Variants in KDM2B observed in about 807,000 individuals in gnomAD.
KDM2B encodes the protein lysine-specific demethylase 2B.
A neutral mutation model predicts 150.0 loss-of-function variants in KDM2B; 26 were observed. The observed-to-expected ratio is 0.17, with a 90% CI of 0.13 to 0.24. The LOEUF is 0.24. Ranked by LOEUF, KDM2B falls within the 10% of genes least tolerant of loss-of-function variation. The pLI, the probability that KDM2B is intolerant of heterozygous loss-of-function variation, is 1.00. For synonymous variants in KDM2B, 734 were observed against 729.5 expected, an observed-to-expected ratio of 1.01 and a Z score of -0.10; for missense variants, 1,265 against 1,816.9, an observed-to-expected ratio of 0.70 and a Z score of 5.52.
intron 11 of KDM2B, among the ~76,000 whole-genome samples, chr12:121,498,118 A>C (rs1312048242): frequency 6.6e-6 from 1 of 152,112 alleles, no homozygotes; most frequent in Non-Finnish European, 1.5e-5. Flanking sequence ...TAAATAAATA[A>C]ATAAAGTTTT....
At chr12:121,496,588 G>A (rs1235142990) in intron 11 of KDM2B, among the ~76,000 whole-genome samples, 1 of 148,788 alleles carries the variant, frequency 6.7e-6, no homozygotes, top group Non-Finnish European at 1.5e-5. Flanking sequence ...TCAAACTCCT[G>A]GGCTCAAGTG....
chr12:121,530,227 CAAAAAAAAAA>C (rs71453566), intron 8 of KDM2B, among the ~76,000 whole-genome samples: 2 of 65,786 alleles, frequency 3.0e-5, no homozygotes, highest in Non-Finnish European at 3.1e-5. Context: ...GACTCCCTCT[CAAAAAAAAAA>C]AAAAAAAAAA....
chr12:121,581,157 T>C, upstream of KDM2B: 1 of 445,718 alleles, frequency 2.2e-6, no homozygotes, highest in Non-Finnish European at 3.9e-6. Flanking sequence ...TTGGACATTT[T>C]TTAAAGGTTC....
At chr12:121,543,521 A>AT (rs1352988955) in intron 6 of KDM2B, among the ~76,000 whole-genome samples, 28 of 151,760 alleles carry the variant, frequency 1.8e-4, no homozygotes, top group Admixed American at 1.6e-3. Context: ...TTAAAAAAAA[A>AT]TTTTTTAATT....
intron 4 of KDM2B, among the ~76,000 whole-genome samples, chr12:121,557,245 T>C (rs1889969411): frequency 6.7e-6 from 1 of 148,196 alleles, no homozygotes; most frequent in South Asian, 2.2e-4. Context: ...TTTTTTTTTT[T>C]TTTTTTTTTT....
chr12:121,435,926 G>A (rs1260517068), intron 22 of KDM2B, among the ~76,000 whole-genome samples: 1 of 152,162 alleles, frequency 6.6e-6, no homozygotes, highest in Non-Finnish European at 1.5e-5. Context: ...CTTGAGTGGA[G>A]GGACAAGCAA....
intron 8 of KDM2B, among the ~76,000 whole-genome samples, chr12:121,523,777 G>T (rs1886893441): frequency 6.6e-6 from 1 of 152,216 alleles, no homozygotes; most frequent in African/African-American, 2.4e-5. Flanking sequence ...CTTTGCTTTA[G>T]GCAACCTCGT....
intron 9 of KDM2B, chr12:121,516,557 T>A: frequency 6.9e-7 from 1 of 1,448,680 alleles, no homozygotes; most frequent in Non-Finnish European, 9.1e-7. Flanking sequence ...CAACATTATT[T>A]GTTGACAGAC....
At chr12:121,420,868 T>G in the KDM2B span, 1 of 964,954 alleles carries the variant, frequency 1.0e-6, no homozygotes, top group Non-Finnish European at 1.6e-6. Context: ...GTCAAATTTA[T>G]TTTTGAGAAA....
intron 12 of KDM2B, among the ~76,000 whole-genome samples, chr12:121,463,506 C>T (rs1438173709): frequency 2.0e-5 from 3 of 152,162 alleles, no homozygotes; most frequent in African/African-American, 7.2e-5. Flanking sequence ...GTTCTATGAC[C>T]ACATAAATTT....
chr12:121,420,095 T>C, the KDM2B span: 1 of 646,182 alleles, frequency 1.5e-6, no homozygotes, highest in South Asian at 2.3e-5. Context: ...GGGCCCAACT[T>C]TTTGGAAGGG....
intron 11 of KDM2B, among the ~76,000 whole-genome samples, chr12:121,497,512 G>A (rs547658600): frequency 6.6e-6 from 1 of 151,862 alleles, no homozygotes; most frequent in East Asian, 2.0e-4. Flanking sequence ...CACCATGTTG[G>A]CCAGGCTGGT....
At chr12:121,463,853 A>G (rs935219039) in intron 12 of KDM2B, among the ~76,000 whole-genome samples, 2 of 152,192 alleles carry the variant, frequency 1.3e-5, no homozygotes, top group Non-Finnish European at 2.9e-5. Context: ...GTGCTGGGAT[A>G]ACCGGCATGA....
intron 8 of KDM2B, among the ~76,000 whole-genome samples, chr12:121,527,936 A>G (rs1180345887): frequency 1.3e-5 from 2 of 152,198 alleles, no homozygotes; most frequent in Non-Finnish European, 2.9e-5. Context: ...GAGTTGGAGG[A>G]AAAAGACATC....
chr12:121,443,132 G>T, intron 17 of KDM2B, 102 bp from the exon 18 acceptor site: 1 of 1,160,540 alleles, frequency 8.6e-7, no homozygotes. Context: ...TCCAGAGGAG[G>T]GGCTGGAGGG....
rs781895016 is a variant in KDM2B at position 121,510,014 on chromosome 12, G to A, written c.1200C>T (p.Asp400=). 12 of 1,577,576 alleles carry A rather than the reference G, an allele frequency of 7.6e-6. No homozygotes were observed. Among genetic ancestry groups the A allele is most frequent in the East Asian group, 2.2e-5 (1 of 44,568 alleles). ...LIDAPRKPSI[D]GFSSDSWLEM... ...CCAGCCAGGAATCCGAAGAGAAGCC[G>A]TCTATGCTGGGCTTCCTCGGGGCAT... is the stretch of plus-strand genomic sequence containing the variant. Residue 400 remains aspartate, a synonymous_variant, in exon 11 of 23, where the codon GAC becomes GAT. Transcript: ENST00000377071.
chr12:121,581,090 T>C, upstream of KDM2B: 1 of 757,692 alleles, frequency 1.3e-6, no homozygotes, highest in Non-Finnish European at 2.0e-6. Context: ...CTTTCATTCA[T>C]TCATTCTGCC....
chr12:121,441,302 T>C, intron 19 of KDM2B, 69 bp from the exon 20 acceptor site: 1 of 1,488,732 alleles, frequency 6.7e-7, no homozygotes. Flanking sequence ...CACACAGCTC[T>C]TAACTGTCCC....
chr12:121,459,851 T>C (rs1283994585), intron 12 of KDM2B, among the ~76,000 whole-genome samples: 2 of 151,872 alleles, frequency 1.3e-5, no homozygotes, highest in Non-Finnish European at 2.9e-5. Context: ...AAAAAAACTT[T>C]GGTGCTTTAA....
Sources: allele counts gnomAD v4.1 joint callset (sites outside exome capture counted in the v4.1 genomes callset), GRCh38; gene constraint gnomAD v4.1.1; transcripts MANE v1.5; gene names NCBI Gene and HGNC (gene_info 2026-07-23, HGNC 2026-07-21).